The following TRIQK variants were observed in gnomAD, a reference collection of about 807,000 sequenced individuals.
The protein encoded by TRIQK is triple QxxK/R motif containing.
In TRIQK, 10 loss-of-function variants were observed where a neutral mutation model predicts 10.8. The observed-to-expected ratio is 0.92, with a 90% CI of 0.57 to 1.57. The LOEUF (loss-of-function observed/expected upper bound fraction) is 1.57. Among genes scored for constraint, TRIQK ranks in the 40% most tolerant of loss-of-function variants. The pLI, the probability that TRIQK is intolerant of heterozygous loss-of-function variation, is 0.00. For synonymous variants in TRIQK, 33 were observed against 33.7 expected (o/e 0.98, Z 0.07); for missense variants, 107 against 97.7 (o/e 1.09, Z -0.40).
chr8:92,911,194 A>G (rs1809547244), intron 3 of TRIQK, among the ~76,000 whole-genome samples: 2 of 151,400 alleles, frequency 1.3e-5, no homozygotes, highest in Admixed American at 1.3e-4. Flanking sequence ...TAGACTGTTA[A>G]ACATTTTATG....
intron 2 of TRIQK, among the ~76,000 whole-genome samples, chr8:92,934,327 T>C (rs1006127266): frequency 1.3e-5 from 2 of 151,952 alleles, no homozygotes; most frequent in African/African-American, 4.8e-5. Context: ...CATAAGCATA[T>C]GTATCAGGCT....
chr8:92,885,846 T>A lies in TRIQK; in HGVS notation c.*776A>T, dbSNP rs533540334. On this transcript the variant is annotated 3_prime_UTR_variant, in exon 5 of 5. Transcript: ENST00000521988. ...ATTAAATGACAGATTGTTACATATC[T>A]CCCTAACAAGAGGGGCGAACTGATA... The A allele has an allele frequency of 4.0e-5, 6 of 151,816 alleles. No individual in the cohort carries two copies. The highest frequency in any genetic ancestry group is 1.4e-4 in the African/African-American group (6 of 41,496). The allele number at this position is 151,816 out of a possible 1,614,324, so 9.4% of individuals were successfully genotyped here. A position where few individuals can be genotyped will look rare whatever the true frequency, so the allele number is the denominator to read the frequency against.
At chr8:92,899,389 C>A (rs1429001034) in intron 3 of TRIQK, among the ~76,000 whole-genome samples, 1 of 151,912 alleles carries the variant, frequency 6.6e-6, no homozygotes, top group Non-Finnish European at 1.5e-5. Context: ...ACTCCTTCCA[C>A]CCCCTCCCCA....
At chr8:92,918,945 A>C (rs2130473452) in intron 2 of TRIQK, among the ~76,000 whole-genome samples, 1 of 151,884 alleles carries the variant, frequency 6.6e-6, no homozygotes, top group East Asian at 1.9e-4. Flanking sequence ...GCATATAGAA[A>C]CCAGTTTTCC....
chr8:92,931,249 T>C (rs1810707484), intron 2 of TRIQK, among the ~76,000 whole-genome samples: 2 of 152,210 alleles, frequency 1.3e-5, no homozygotes, highest in Non-Finnish European at 2.9e-5. Context: ...GTTTGTTTTA[T>C]CCAATGTTAA....
At chr8:92,959,720 T>C (rs1182932311) in intron 1 of TRIQK, among the ~76,000 whole-genome samples, 2 of 152,066 alleles carry the variant, frequency 1.3e-5, no homozygotes, top group Non-Finnish European at 2.9e-5. Flanking sequence ...ATATTGTAAA[T>C]CAAACCATCT....
upstream of TRIQK, among the ~76,000 whole-genome samples, chr8:92,967,149 A>T (rs557034140): frequency 6.6e-6 from 1 of 152,264 alleles, no homozygotes; most frequent in South Asian, 2.1e-4. Context: ...AAATAAAGGT[A>T]GAGTTAAATG....
At chr8:92,897,500 G>T (rs1471216075) in intron 3 of TRIQK, among the ~76,000 whole-genome samples, 3 of 152,042 alleles carry the variant, frequency 2.0e-5, no homozygotes, top group African/African-American at 7.2e-5. Flanking sequence ...CACAGGAGTG[G>T]GCTCATGATA....
chr8:93,015,986 TAGAG>T (rs1249854477), intron 1 of TRIQK, among the ~76,000 whole-genome samples: 1 of 152,128 alleles, frequency 6.6e-6, no homozygotes, highest in African/African-American at 2.4e-5. Context: ...GAGCTATGCA[TAGAG>T]ATTTATATTC....
intron 3 of TRIQK, among the ~76,000 whole-genome samples, chr8:92,910,910 C>A (rs1292696076): frequency 6.6e-6 from 1 of 150,808 alleles, no homozygotes; most frequent in Non-Finnish European, 1.5e-5. Context: ...TAAATGACAG[C>A]TAAAATATAT....
At chr8:92,996,245 T>G (rs1813152928) in intron 1 of TRIQK, among the ~76,000 whole-genome samples, 1 of 152,122 alleles carries the variant, frequency 6.6e-6, no homozygotes, top group Non-Finnish European at 1.5e-5. Context: ...GGTGTAAGTC[T>G]TCCATTCTGT....
intron 4 of TRIQK, among the ~76,000 whole-genome samples, chr8:92,888,863 A>G (rs1816617472): frequency 6.6e-6 from 1 of 151,648 alleles, no homozygotes; most frequent in South Asian, 2.1e-4. Context: ...TAAAAAAGCA[A>G]CTCATTAACA....
chr8:93,012,843 C>T (rs1813349081), intron 1 of TRIQK, among the ~76,000 whole-genome samples: 1 of 152,170 alleles, frequency 6.6e-6, no homozygotes, highest in Non-Finnish European at 1.5e-5. Context: ...AGCAGCATCG[C>T]TTGAGAATTC....
At chr8:92,973,820 CAGA>C (rs141307397) in intron 1 of TRIQK, 4,676 of 152,224 alleles carry the variant, frequency 0.031, 116 homozygotes, top group South Asian at 0.049. Context: ...CTGTTCTTTA[CAGA>C]AGGAGGAGTT....
At chr8:92,903,536 A>G (rs898855510) in intron 3 of TRIQK, among the ~76,000 whole-genome samples, 1 of 152,110 alleles carries the variant, frequency 6.6e-6, no homozygotes, top group Admixed American at 6.6e-5. Context: ...GAGGATTATT[A>G]TACTCTGGTT....
Position 92,917,014 on chromosome 8 carries a change from A to G in TRIQK, c.-21-4T>C. The G allele has an allele frequency of 6.8e-7, 1 of 1,471,578 alleles. No individual in the cohort carries two copies. Among genetic ancestry groups the G allele is most frequent in the Non-Finnish European group, 8.9e-7 (1 of 1,119,372 alleles). 91.2% of individuals were successfully genotyped at this position (1,471,578 alleles called of 1,614,324 possible). On this transcript the variant is annotated splice_region_variant and splice_polypyrimidine_tract_variant and intron_variant, in intron 2 of 4. Transcript: ENST00000521988. The stretch of plus-strand genomic sequence containing the variant: ...TCTTTGATCTCCAAAATGCCTGCTG[A>G]AAAGAAAACAATTATAATGAAAATT...
At chr8:92,947,311 G>A (rs996072041) in intron 2 of TRIQK, among the ~76,000 whole-genome samples, 10 of 150,982 alleles carry the variant, frequency 6.6e-5, no homozygotes, top group African/African-American at 1.9e-4. Context: ...GGCCGGGCGC[G>A]GTGGCTCACG....
chr8:93,005,425 G>T (rs1030755127), intron 1 of TRIQK, among the ~76,000 whole-genome samples: 1 of 152,144 alleles, frequency 6.6e-6, no homozygotes, highest in African/African-American at 2.4e-5. Context: ...CAACACTGGG[G>T]ATTATAATTC....
chr8:92,945,113 A>T (rs964311450), intron 2 of TRIQK, among the ~76,000 whole-genome samples: 2 of 152,200 alleles, frequency 1.3e-5, no homozygotes, highest in South Asian at 4.1e-4. Context: ...AGATGCAATC[A>T]TTACCCATTA....
Sources: allele counts gnomAD v4.1 joint callset (sites outside exome capture counted in the v4.1 genomes callset), GRCh38; gene constraint gnomAD v4.1.1; transcripts MANE v1.5; gene names NCBI Gene and HGNC (gene_info 2026-07-23, HGNC 2026-07-21).